DNAJC3: variants seen among roughly 807,000 people sequenced by gnomAD.
The protein encoded by DNAJC3 is dnaJ homolog subfamily C member 3.
In DNAJC3, 38 loss-of-function variants were observed where a neutral mutation model predicts 68.6. The ratio of observed to expected loss-of-function variants is 0.55; its 90% CI spans 0.43 to 0.73. The LOEUF is 0.73. Among genes scored for constraint, DNAJC3 ranks in the 30% least tolerant of loss-of-function variants. The probability of loss-of-function intolerance (pLI) is 0.00; values close to 1 mark genes in which losing one functional copy is unlikely to be tolerated. For missense variants in DNAJC3, 526 were observed against 591.9 expected (o/e 0.89, Z 1.16); for synonymous variants, 203 against 204.0 (o/e 1.00, Z 0.04).
chr13:95,771,235 A>G (rs1883149084), intron 9 of DNAJC3, among the ~76,000 whole-genome samples: 1 of 152,164 alleles, frequency 6.6e-6, no homozygotes, highest in Non-Finnish European at 1.5e-5. Context: ...GATACGGTAA[A>G]ATGCACAAGT....
chr13:95,766,952 G>T (rs1226717599), intron 9 of DNAJC3, among the ~76,000 whole-genome samples: 1 of 152,008 alleles, frequency 6.6e-6, no homozygotes, highest in Non-Finnish European at 1.5e-5. Context: ...TGCCTGCCTT[G>T]GCCTCCCAAA....
intron 1 of DNAJC3, among the ~76,000 whole-genome samples, chr13:95,697,739 CT>C (rs1343401289): frequency 3.1e-5 from 4 of 127,182 alleles, no homozygotes; most frequent in Non-Finnish European, 3.4e-5. Context: ...AAAACAAATT[CT>C]TTTTTTTTGT....
intron 9 of DNAJC3, among the ~76,000 whole-genome samples, chr13:95,767,691 G>GTTTT: frequency 7.4e-6 from 1 of 135,794 alleles, no homozygotes; most frequent in South Asian, 2.3e-4. Context: ...AGTTTTTTGG[G>GTTTT]TTTTTTTTTT....
intron 4 of DNAJC3, among the ~76,000 whole-genome samples, chr13:95,740,701 G>A (rs1281351144): frequency 9.9e-5 from 15 of 152,236 alleles, no homozygotes; most frequent in South Asian, 6.2e-4. Context: ...ACTGACCTGC[G>A]CCCACTGTCT....
At chr13:95,680,994 C>G (rs772720405) in intron 1 of DNAJC3, among the ~76,000 whole-genome samples, 5 of 152,212 alleles carry the variant, frequency 3.3e-5, no homozygotes, top group Admixed American at 2.0e-4. Context: ...TTTAATCAGT[C>G]AGCAAAGGCT....
intron 4 of DNAJC3, among the ~76,000 whole-genome samples, chr13:95,746,116 G>C (rs1882298817): frequency 6.6e-6 from 1 of 152,190 alleles, no homozygotes; most frequent in African/African-American, 2.4e-5. Context: ...GCACTGCGCT[G>C]TTCTGCCCTC....
intron 7 of DNAJC3, 130 bp from the exon 8 acceptor site, chr13:95,763,513 G>A (rs1882884131): frequency 1.3e-6 from 1 of 775,144 alleles, no homozygotes; most frequent in Non-Finnish European, 2.0e-6. Flanking sequence ...TAAGGGAAAA[G>A]CCGAATCTGA....
chr13:95,734,843 A>T (rs1156596761), intron 4 of DNAJC3, among the ~76,000 whole-genome samples: 1 of 144,656 alleles, frequency 6.9e-6, no homozygotes, highest in Non-Finnish European at 1.5e-5. Flanking sequence ...TTATACTTTA[A>T]GTTTTAGGAT....
At chr13:95,786,895 T>A (rs1354971870) in intron 10 of DNAJC3, 112 bp from the exon 11 acceptor site, 2 of 1,325,984 alleles carry the variant, frequency 1.5e-6, no homozygotes, top group African/African-American at 3.0e-5. Flanking sequence ...GGAACTATTT[T>A]ATAAAACCAG....
In DNAJC3 at chr13:95,757,624, GT is replaced by G; in HGVS notation, c.394-14del. 6.5e-7 allele frequency: 1 copy of G among 1,534,082 alleles called. No homozygotes were observed. The highest frequency in any genetic ancestry group is 8.9e-7 in the Non-Finnish European group (1 of 1,125,574). On this transcript the variant is annotated intron_variant, in intron 4 of 11. Coordinates refer to ENST00000602402, the MANE Select transcript of DNAJC3 (RefSeq NM_006260.5). ...TTTAAGAGATTAAAAACTCTGCTTAGTTTTTTATTTTCCTTATAGCTCAAAT... is the reference window on the plus strand; with the variant it reads ...TTTAAGAGATTAAAAACTCTGCTTAGTTTTTATTTTCCTTATAGCTCAAAT...
At chr13:95,767,867 T>G (rs911438896) in intron 9 of DNAJC3, among the ~76,000 whole-genome samples, 1 of 151,180 alleles carries the variant, frequency 6.6e-6, no homozygotes, top group African/African-American at 2.5e-5. Context: ...TTTTTTTCTT[T>G]TTTTTTTCCG....
intron 1 of DNAJC3, among the ~76,000 whole-genome samples, chr13:95,690,588 G>A (rs1469835766): frequency 2.7e-5 from 4 of 148,522 alleles, no homozygotes; most frequent in Admixed American, 6.6e-5. Context: ...CTCACCTCCC[G>A]GACGGGGCGA....
chr13:95,764,731 T>C (rs891129397), intron 9 of DNAJC3, among the ~76,000 whole-genome samples: 1 of 141,126 alleles, frequency 7.1e-6, no homozygotes, highest in Non-Finnish European at 1.5e-5. Context: ...CATATATATA[T>C]ATACATATAT....
At chr13:95,733,803 C>A (rs760203749) in intron 4 of DNAJC3, among the ~76,000 whole-genome samples, 1 of 147,250 alleles carries the variant, frequency 6.8e-6, no homozygotes, top group African/African-American at 2.5e-5. Context: ...TTTCCATTTG[C>A]GTGGAATGTC....
Position 95,725,175 on chromosome 13 carries a change from T to C in DNAJC3, c.319-3T>C. On this transcript the variant is annotated splice_region_variant and splice_polypyrimidine_tract_variant and intron_variant, in intron 3 of 11. Transcript: ENST00000602402. The stretch of plus-strand genomic sequence containing the variant: ...GATAATCCTCTGCCCCCTTTTTTTC[T>C]AGGCAAGATTACAGAGAGGTCACTT... The C allele has an allele frequency of 6.4e-7, 1 of 1,553,186 alleles. No homozygotes were observed. The highest frequency in any genetic ancestry group is 8.7e-7 in the Non-Finnish European group (1 of 1,155,662).
intron 4 of DNAJC3, among the ~76,000 whole-genome samples, chr13:95,754,201 A>G (rs985379008): frequency 1.3e-5 from 2 of 152,368 alleles, no homozygotes; most frequent in Admixed American, 6.5e-5. Context: ...GGGCTTGGCC[A>G]GTAAACGATC....
chr13:95,747,866 T>TG (rs1882351203), intron 4 of DNAJC3, among the ~76,000 whole-genome samples: 1 of 152,234 alleles, frequency 6.6e-6, no homozygotes, highest in Non-Finnish European at 1.5e-5. Context: ...TCCAGGTTTC[T>TG]GGATTGTTCA....
chr13:95,766,763 C>CGCTT (rs1862662071), intron 9 of DNAJC3, among the ~76,000 whole-genome samples: 1 of 151,032 alleles, frequency 6.6e-6, no homozygotes, highest in Admixed American at 6.6e-5. Flanking sequence ...GGCATGATCT[C>CGCTT]GGTTCACTGC....
chr13:95,721,272 G>C (rs994688091), intron 2 of DNAJC3, among the ~76,000 whole-genome samples: 1 of 152,198 alleles, frequency 6.6e-6, no homozygotes. Flanking sequence ...ATAACCTGCT[G>C]TATGTATGGT....
Sources: allele counts gnomAD v4.1 joint callset (sites outside exome capture counted in the v4.1 genomes callset), GRCh38; gene constraint gnomAD v4.1.1; transcripts MANE v1.5; gene names NCBI Gene and HGNC (gene_info 2026-07-23, HGNC 2026-07-21).